The following CNTN5 variants were observed in gnomAD, a reference collection of about 807,000 sequenced individuals.
CNTN5 encodes contactin-5.
In CNTN5, 77 loss-of-function variants were observed where a neutral mutation model predicts 129.1. That is an observed-to-expected ratio of 0.60 (90% CI 0.50 to 0.72). CNTN5 has a LOEUF of 0.72. Among genes scored for constraint, CNTN5 ranks in the 30% least tolerant of loss-of-function variants. The pLI, the probability that CNTN5 is intolerant of heterozygous loss-of-function variation, is 0.00. For missense variants in CNTN5, 1,478 were observed against 1,328.8 expected, an observed-to-expected ratio of 1.11 and a Z score of -1.75; for synonymous variants, 509 against 465.6, an observed-to-expected ratio of 1.09 and a Z score of -1.20.
intron 3 of CNTN5, among the ~76,000 whole-genome samples, chr11:99,817,893 A>G (rs1408437390): frequency 6.6e-6 from 1 of 152,112 alleles, no homozygotes; most frequent in Admixed American, 6.6e-5. Context: ...CTTGTGGTTG[A>G]CCAGCAAAGA....
Position 99,082,188 on chromosome 11 carries a change from C to CTTT in CNTN5, c.-210+60932_-210+60934dup, listed in dbSNP as rs747509458. 1.3e-3 allele frequency among the ~76,000 whole-genome samples: 173 copies of CTTT among 132,788 alleles called. 2 individuals carry two copies. Among genetic ancestry groups the CTTT allele is most frequent in the African/African-American group, 3.3e-3 (118 of 35,676 alleles). 87.1% of individuals were successfully genotyped at this position (132,788 alleles called of 152,430 possible). ...TGTAACCGCCAGTGTTCTCCAAAAG[C>CTTT]TTTTTTTTTTTTTTTTGAGACTGAG... On this transcript the variant is annotated intron_variant, in intron 1 of 24. Transcript: ENST00000524871.
chr11:99,786,742 C>A (rs2135414818), intron 3 of CNTN5, among the ~76,000 whole-genome samples: 1 of 152,170 alleles, frequency 6.6e-6, no homozygotes, highest in Admixed American at 6.5e-5. Context: ...CTGACCAAAA[C>A]CAGAAATGGA....
At chr11:99,489,057 A>AT (rs1458716591) in intron 2 of CNTN5, among the ~76,000 whole-genome samples, 3 of 152,012 alleles carry the variant, frequency 2.0e-5, no homozygotes, top group Middle Eastern at 3.4e-3. Flanking sequence ...AAAAAATACT[A>AT]TTTTTTTCTA....
In CNTN5 at chr11:99,785,233, G is replaced by A. The variant is rs140607970; in HGVS notation, c.56-34311G>A. Among the ~76,000 whole-genome samples, 1,015 of 152,102 alleles carry A rather than the reference G, an allele frequency of 6.7e-3. 16 individuals carry two copies. Among genetic ancestry groups the A allele is most frequent in the African/African-American group, 0.023 (970 of 41,494 alleles). On this transcript the variant is annotated intron_variant, in intron 3 of 24. Coordinates refer to ENST00000524871, the MANE Select transcript of CNTN5 (RefSeq NM_014361.4). The stretch of plus-strand genomic sequence containing the variant: ...TGAGAAATGTCTGTTTGTATCCTTC[G>A]CCCACATTTTGATGGGATTTTTTTT...
intron 9 of CNTN5, among the ~76,000 whole-genome samples, chr11:100,043,190 T>C (rs1045149057): frequency 1.3e-5 from 2 of 152,230 alleles, no homozygotes; most frequent in Non-Finnish European, 2.9e-5. Context: ...TCATTCTTGA[T>C]TTCAAATCAG....
rs1465208011 is a variant in CNTN5 at position 99,728,224 on chromosome 11, CAG to C, written c.56-91316_56-91315del. ...TACATGAGAGAGAGAGAGGGAAAGA[CAG>C]AGAAGGCATAGATATTGAGCAGGAA... On this transcript the variant is annotated intron_variant, in intron 3 of 24. Coordinates refer to ENST00000524871, the MANE Select transcript of CNTN5 (RefSeq NM_014361.4). 2.8e-4 allele frequency among the ~76,000 whole-genome samples: 43 copies of C among 151,952 alleles called. 1 individual carries two copies. The highest frequency in any genetic ancestry group is 2.7e-4 in the African/African-American group (11 of 41,372).
At chr11:99,913,282 A>C (rs2136000853) in intron 6 of CNTN5, among the ~76,000 whole-genome samples, 1 of 152,108 alleles carries the variant, frequency 6.6e-6, no homozygotes, top group Middle Eastern at 3.4e-3. Flanking sequence ...TTTTACATAA[A>C]CCATTCTGCC....
chr11:100,052,251 A>G (rs1197415047), intron 9 of CNTN5, among the ~76,000 whole-genome samples: 4 of 151,892 alleles, frequency 2.6e-5, no homozygotes, highest in Non-Finnish European at 5.9e-5. Context: ...ACACCTACAA[A>G]AAGTCAATAT....
intron 4 of CNTN5, among the ~76,000 whole-genome samples, chr11:99,823,900 A>T (rs1411434940): frequency 1.3e-5 from 2 of 152,014 alleles, no homozygotes; most frequent in Admixed American, 6.6e-5. Context: ...GTTCTTTAAA[A>T]TTTTTGTGTC....
At chr11:99,231,480 A>C (rs1324539893) in intron 1 of CNTN5, among the ~76,000 whole-genome samples, 1 of 152,116 alleles carries the variant, frequency 6.6e-6, no homozygotes, top group African/African-American at 2.4e-5. Flanking sequence ...TCCTTTGCCC[A>C]CTTTTTAACG....
chr11:99,884,411 G>C (rs1182010634), intron 6 of CNTN5, among the ~76,000 whole-genome samples: 2 of 152,018 alleles, frequency 1.3e-5, no homozygotes, highest in African/African-American at 4.8e-5. Context: ...AAAGAGATTT[G>C]AAAAATAATC....
chr11:99,728,264 G>A (rs1157060202), intron 3 of CNTN5, among the ~76,000 whole-genome samples: 1 of 152,132 alleles, frequency 6.6e-6, no homozygotes, highest in East Asian at 1.9e-4. Flanking sequence ...AAAATAATGT[G>A]TACAATATTT....
chr11:100,088,589 T>G (rs1944641945), intron 13 of CNTN5, among the ~76,000 whole-genome samples: 1 of 152,060 alleles, frequency 6.6e-6, no homozygotes, highest in African/African-American at 2.4e-5. Context: ...CATAAGATCC[T>G]CAGAGACTAT....
chr11:100,341,227 T>C, intron 23 of CNTN5, 22 bp downstream of exon 23: 1 of 1,511,560 alleles, frequency 6.6e-7, no homozygotes, highest in Non-Finnish European at 9.2e-7. Flanking sequence ...TTCACTCTTT[T>C]GCATAGATAC....
intron 1 of CNTN5, among the ~76,000 whole-genome samples, chr11:99,181,923 G>A (rs1311455955): frequency 1.3e-5 from 2 of 152,126 alleles, no homozygotes; most frequent in Non-Finnish European, 2.9e-5. Flanking sequence ...AGGTTATATA[G>A]CAAAAGAATC....
chr11:99,693,125 G>T (rs1427220304), intron 3 of CNTN5, among the ~76,000 whole-genome samples: 1 of 152,254 alleles, frequency 6.6e-6, no homozygotes, highest in East Asian at 1.9e-4. Context: ...ATGTAAATAT[G>T]TACTTCTAGC....
intron 1 of CNTN5, among the ~76,000 whole-genome samples, chr11:99,274,626 A>G (rs1863337834): frequency 6.6e-6 from 1 of 151,586 alleles, no homozygotes; most frequent in Non-Finnish European, 1.5e-5. Context: ...TGAGATTAGT[A>G]TATCAATAAA....
intron 3 of CNTN5, among the ~76,000 whole-genome samples, chr11:99,771,634 A>G (rs1350856139): frequency 6.6e-6 from 1 of 152,054 alleles, no homozygotes; most frequent in African/African-American, 2.4e-5. Flanking sequence ...GGTGGTTACC[A>G]TTAGCTGGCG....
intron 6 of CNTN5, among the ~76,000 whole-genome samples, chr11:99,893,104 A>C (rs1001007456): frequency 6.6e-6 from 1 of 152,188 alleles, no homozygotes; most frequent in Admixed American, 6.5e-5. Context: ...CTGAAATATA[A>C]AAATTAACCA....
Sources: gnomAD v4.1 joint callset for allele counts (sites outside exome capture counted in the v4.1 genomes callset) on GRCh38, gnomAD v4.1.1 for gene constraint, MANE v1.5 for transcripts, NCBI Gene and HGNC (gene_info 2026-07-23, HGNC 2026-07-21) for gene names.